PRKAR1A: variants seen among roughly 807,000 people sequenced by gnomAD.
The protein encoded by PRKAR1A is protein kinase cAMP-dependent type I regulatory subunit alpha, also known as cAMP-dependent protein kinase type I-alpha regulatory subunit.
In PRKAR1A, 3 loss-of-function variants were observed where a neutral mutation model predicts 52.0. The ratio of observed to expected loss-of-function variants is 0.06; its 90% CI spans 0.03 to 0.15. The LOEUF (loss-of-function observed/expected upper bound fraction) is 0.15. Ranked by LOEUF, PRKAR1A falls within the 10% of genes least tolerant of loss-of-function variation. The probability of loss-of-function intolerance (pLI) is 1.00; values close to 1 mark genes in which losing one functional copy is unlikely to be tolerated. For synonymous variants in PRKAR1A, 188 were observed against 168.4 expected, an observed-to-expected ratio of 1.12 and a Z score of -0.90; for missense variants, 240 against 477.4, an observed-to-expected ratio of 0.50 and a Z score of 4.63.
At chr17:68,442,900 G>A in the PRKAR1A span, among the ~76,000 whole-genome samples, 1 of 152,142 alleles carries the variant, frequency 6.6e-6, no homozygotes, top group Non-Finnish European at 1.5e-5. Flanking sequence ...GTTGCCTAAT[G>A]GTGCCTACTA....
the PRKAR1A span, among the ~76,000 whole-genome samples, chr17:68,489,234 A>AAAT: frequency 4.9e-5 from 1 of 20,592 alleles, no homozygotes. Flanking sequence ...ATATATGGAA[A>AAAT]GTATATATAT....
intron 7 of PRKAR1A, 85 bp downstream of exon 7, chr17:68,525,997 A>G: frequency 2.7e-6 from 4 of 1,480,580 alleles, no homozygotes; most frequent in Non-Finnish European, 2.8e-6. Flanking sequence ...TAAAAAGAGA[A>G]TATTTCTTTT....
the PRKAR1A span, among the ~76,000 whole-genome samples, chr17:68,496,102 C>T: frequency 2.6e-5 from 3 of 117,058 alleles, no homozygotes; most frequent in East Asian, 4.9e-4. Context: ...AGTGCAGTGG[C>T]GCTATCTCGG....
chr17:68,488,054 G>A, the PRKAR1A span, among the ~76,000 whole-genome samples: 1 of 152,120 alleles, frequency 6.6e-6, no homozygotes, highest in Non-Finnish European at 1.5e-5. Flanking sequence ...ATGAAGCACA[G>A]GGGAGTAGGG....
the PRKAR1A span, among the ~76,000 whole-genome samples, chr17:68,498,077 A>C: frequency 6.9e-6 from 1 of 145,150 alleles, no homozygotes. Context: ...GGGGGAAGTA[A>C]AGGGGGGGTT....
the PRKAR1A span, among the ~76,000 whole-genome samples, chr17:68,482,895 G>A: frequency 2.0e-5 from 3 of 152,198 alleles, no homozygotes; most frequent in Non-Finnish European, 2.9e-5. Flanking sequence ...CAGGCAGAAA[G>A]TATTTCTTTA....
chr17:68,483,074 C>G, the PRKAR1A span, among the ~76,000 whole-genome samples: 2 of 151,432 alleles, frequency 1.3e-5, no homozygotes, highest in Non-Finnish European at 2.9e-5. Context: ...TTGTCTTCTA[C>G]ATATTCGTTA....
chr17:68,415,296 C>T, the PRKAR1A span, among the ~76,000 whole-genome samples: 1 of 152,150 alleles, frequency 6.6e-6, no homozygotes, highest in Admixed American at 6.5e-5. Flanking sequence ...CATTTAGGAG[C>T]AGGTTATATA....
chr17:68,530,373 G>A lies in PRKAR1A; in HGVS notation c.1070G>A (p.Arg357His), dbSNP rs2085940326. 2 of 1,614,092 alleles carry A rather than the reference G, an allele frequency of 1.2e-6. No individual in the cohort carries two copies. The highest frequency in any genetic ancestry group is 1.7e-6 in the Non-Finnish European group (2 of 1,179,982). ...AAGCTGGACCGACCTAGATTTGAAC[G>A]TGTTCTTGGCCCATGCTCAGACATC... ...CVKLDRPRFERVLGPCSDILK... is the reference protein window; with the variant it reads ...CVKLDRPRFEHVLGPCSDILK... The change falls in exon 11 of 11, where the codon CGT (arginine) becomes CAT (histidine). Residue 357 changes from arginine to histidine, a missense_variant. Arg to His is a conservative substitution (Grantham distance 29). This residue lies in a region of PRKAR1A where 26 missense variants were observed against 53.6 expected (regional missense o/e 0.48). Transcript: ENST00000589228.
upstream of PRKAR1A, among the ~76,000 whole-genome samples, chr17:68,509,620 T>C (rs2085237004): frequency 6.6e-6 from 1 of 152,208 alleles, no homozygotes; most frequent in Admixed American, 6.5e-5. Context: ...GGAACAAATG[T>C]CATTTCTGAA....
chr17:68,461,427 G>A, the PRKAR1A span, among the ~76,000 whole-genome samples: 1 of 152,104 alleles, frequency 6.6e-6, no homozygotes, highest in Admixed American at 6.5e-5. This position sits in a 1 kb window ranked among gnomAD's most constrained non-coding sequence, Gnocchi z 4.6. Flanking sequence ...CATGCACAGG[G>A]CATTCACAGG....
chr17:68,448,534 G>C, the PRKAR1A span: 1 of 152,112 alleles, frequency 6.6e-6, no homozygotes, highest in Non-Finnish European at 1.5e-5. Flanking sequence ...TTATATTAAG[G>C]GGAGGCTGGC....
intron 11 of PRKAR1A, chr17:68,540,766 G>A (rs892463382): frequency 4.6e-6 from 7 of 1,514,000 alleles, no homozygotes; most frequent in Admixed American, 2.0e-5. Context: ...GAACCAGGTT[G>A]TAAGTTTGTG....
the PRKAR1A span, among the ~76,000 whole-genome samples, chr17:68,453,631 A>T: frequency 6.6e-6 from 1 of 151,958 alleles, no homozygotes; most frequent in African/African-American, 2.4e-5. Flanking sequence ...GGCATGCACC[A>T]CCACGCCAGG....
intron 11 of PRKAR1A, among the ~76,000 whole-genome samples, chr17:68,549,934 G>C (rs2086755282): frequency 6.6e-6 from 1 of 152,184 alleles, no homozygotes; most frequent in South Asian, 2.1e-4. Context: ...TCCTGAAATT[G>C]TCCCTTGGAA....
intron 3 of PRKAR1A, among the ~76,000 whole-genome samples, chr17:68,523,214 A>G (rs2085673577): frequency 6.6e-6 from 1 of 151,954 alleles, no homozygotes; most frequent in Non-Finnish European, 1.5e-5. Context: ...TTGAATCGTG[A>G]TGTCCTTTTT....
At chr17:68,426,254 G>GGGGGGGGGGCCCC in the PRKAR1A span, 1 of 816,922 alleles carries the variant, frequency 1.2e-6, no homozygotes, top group Non-Finnish European at 1.9e-6. Context: ...GGGAGCGGGG[G>GGGGGGGGGGCCCC]CTCAAATAAA....
chr17:68,527,609 A>G, intron 7 of PRKAR1A: 2 of 489,094 alleles, frequency 4.1e-6, no homozygotes. Context: ...TGCAAATGCT[A>G]GGAATTGGGC....
chr17:68,435,696 A>G, the PRKAR1A span: 2 of 1,614,214 alleles, frequency 1.2e-6, no homozygotes, highest in Non-Finnish European at 1.7e-6. Flanking sequence ...ATGGGCAGCA[A>G]TAGTGCAGAC....
Sources: gnomAD v4.1 joint callset for allele counts (sites outside exome capture counted in the v4.1 genomes callset) on GRCh38, gnomAD v4.1.1 for gene constraint, gnomAD v4.1.1 regional missense constraint, Gnocchi (gnomAD v3.1) non-coding constraint, MANE v1.5 for transcripts, NCBI Gene and HGNC (gene_info 2026-07-23, HGNC 2026-07-21) for gene names.